Variants in STAB2 observed in about 807,000 individuals in gnomAD.
STAB2 encodes the protein stabilin-2.
A neutral mutation model predicts 338.1 loss-of-function variants in STAB2; 288 were observed. The observed-to-expected ratio is 0.85, with a 90% confidence interval of 0.77 to 0.94. The LOEUF (loss-of-function observed/expected upper bound fraction) is 0.94, where lower values mean the gene tolerates loss of function less well. Among genes scored for constraint, STAB2 ranks in the 40% least tolerant of loss-of-function variants. The pLI is 0.00. For missense variants in STAB2, 3,141 were observed against 3,210.1 expected (o/e 0.98, Z 0.52); for synonymous variants, 1,202 against 1,193.3 (o/e 1.01, Z -0.15).
At chr12:103,645,235 G>C (rs1332370060) in intron 9 of STAB2, among the ~76,000 whole-genome samples, 1 of 152,226 alleles carries the variant, frequency 6.6e-6, no homozygotes, top group Non-Finnish European at 1.5e-5. Context: ...ATTTCCTAAA[G>C]AGGTGATGTT....
intron 33 of STAB2, among the ~76,000 whole-genome samples, chr12:103,697,864 C>T (rs562972455): frequency 6.6e-6 from 1 of 152,216 alleles, no homozygotes; most frequent in African/African-American, 2.4e-5. Context: ...AAACCTAGAG[C>T]CTCTGAGAAG....
At position 103,668,745 on chromosome 12, in the gene STAB2, C is replaced by G. The variant is rs1311523938; in HGVS notation, c.2172+16C>G. 1.3e-6 allele frequency: 2 copies of G among 1,532,482 alleles called. No homozygotes were observed. Among genetic ancestry groups the G allele is most frequent in the Non-Finnish European group, 1.8e-6 (2 of 1,134,898 alleles). 94.9% of individuals were successfully genotyped at this position (1,532,482 alleles called of 1,614,324 possible). On this transcript the variant is annotated intron_variant, in intron 20 of 68. Transcript: ENST00000388887. ...CACTGTGAAGGTGAGGAGCGCGTGG[C>G]CGAGGCCCAGTCTAGGCCAGTAGGG... is the stretch of plus-strand genomic sequence containing the variant.
At chr12:103,616,824 C>A (rs923418225) in intron 3 of STAB2, among the ~76,000 whole-genome samples, 3 of 152,126 alleles carry the variant, frequency 2.0e-5, no homozygotes, top group Admixed American at 6.5e-5. Context: ...AATAGAAGAA[C>A]TATTTGATGG....
Position 103,622,037 on chromosome 12 carries a change from T to G in STAB2, c.418-5T>G. 6.2e-7 allele frequency: 1 copy of G among 1,614,214 alleles called. No homozygotes were observed. The highest frequency in any genetic ancestry group is 1.1e-5 in the South Asian group (1 of 91,084). On this transcript the variant is annotated splice_region_variant and splice_polypyrimidine_tract_variant and intron_variant, in intron 4 of 68. Transcript: ENST00000388887. ...CTAATGTCAACCACCTGGGGTGTTT[T>G]GCAGGAAGGGTTTGGTGGAACAGCC...
intron 10 of STAB2, among the ~76,000 whole-genome samples, 191 bp downstream of exon 10, chr12:103,649,014 A>G (rs922043780): frequency 5.3e-5 from 8 of 152,214 alleles, no homozygotes; most frequent in Non-Finnish European, 8.8e-5. Flanking sequence ...GATAGTGCCA[A>G]GAGATCTAGC....
chr12:103,616,868 T>C (rs539504322), intron 3 of STAB2, among the ~76,000 whole-genome samples: 54 of 152,356 alleles, frequency 3.5e-4, no homozygotes, highest in African/African-American at 1.3e-3. Flanking sequence ...CTTAGCACAC[T>C]TTGCTCAACA....
chr12:103,642,194 G>A (rs780936974), intron 9 of STAB2, among the ~76,000 whole-genome samples: 1 of 152,140 alleles, frequency 6.6e-6, no homozygotes, highest in African/African-American at 2.4e-5. Flanking sequence ...GCTTTTAAAC[G>A]CTAAGCTCCA....
At position 103,662,986 on chromosome 12, in the gene STAB2, A is replaced by G. The variant is rs773310336; in HGVS notation, c.2010A>G (p.Arg670=). The G allele has an allele frequency of 3.7e-6, 6 of 1,613,964 alleles. No homozygotes were observed. Among genetic ancestry groups the G allele is most frequent in the Non-Finnish European group, 5.1e-6 (6 of 1,179,990 alleles). Residue 670 remains arginine, a synonymous_variant, in exon 18 of 69, where the codon AGA becomes AGG. Coordinates refer to ENST00000388887, the MANE Select transcript of STAB2 (RefSeq NM_017564.10). ...ILPHRCDETK[R]EMKLGTCVSC... is the part of the protein sequence containing the mutation. ...CCCATCGATGTGATGAAACAAAGAG[A>G]GAGATGAAACTGGTAAGAAAACTAG...
At chr12:103,711,235 T>C in intron 39 of STAB2, 1 of 560,630 alleles carries the variant, frequency 1.8e-6, no homozygotes, top group Non-Finnish European at 3.1e-6. Flanking sequence ...GCATCCTCAC[T>C]GCCTAGCACA....
rs377125646 is a variant in STAB2, at chr12:103,652,656, T to C, written c.1358T>C (p.Met453Thr). ...MNIEYMNNTD[M>T]FYTLTGKSGE... ...ATCGAATATATGAATAACACAGACA[T>C]GTTCTACACCTTGACTGGAAAGTCG... Residue 453 changes from methionine to threonine, a missense_variant, in exon 12 of 69, where the codon ATG becomes ACG. Coordinates refer to ENST00000388887, the MANE Select transcript of STAB2 (RefSeq NM_017564.10). 1 of 1,605,804 alleles carries C rather than the reference T, an allele frequency of 6.2e-7. No individual in the cohort carries two copies. The highest frequency in any genetic ancestry group is 2.2e-5 in the East Asian group (1 of 44,594).
intron 5 of STAB2, among the ~76,000 whole-genome samples, chr12:103,630,744 T>C (rs904314258): frequency 6.6e-6 from 1 of 152,202 alleles, no homozygotes; most frequent in African/African-American, 2.4e-5. Context: ...GGAATAAAGA[T>C]GGGCTCTAGA....
In STAB2 at chr12:103,749,115, G is replaced by T. The variant is rs779748342; in HGVS notation, c.6397G>T (p.Gly2133Ter). Residue 2133 changes from glycine to a stop codon, truncating the protein, a stop_gained, in exon 59 of 69, where the codon GGA (glycine) becomes TGA (stop). Transcript: ENST00000388887. LOFTEE classifies it high-confidence loss of function. ...AGACCCCTGTGCAGACGGCCTTAACGGAGGGTGTCACGAGCACGCCACCTG... is the reference window on the plus strand; with the variant it reads ...AGACCCCTGTGCAGACGGCCTTAACTGAGGGTGTCACGAGCACGCCACCTG... ...EIDPCADGLN[G>*]GCHEHATCKM... 6.2e-7 allele frequency: 1 copy of T among 1,611,638 alleles called. No homozygotes were observed.
Position 103,652,638 on chromosome 12 carries a change from A to G in STAB2, c.1340A>G (p.Tyr447Cys). The part of the protein sequence containing the change: ...HIIAGQMNIE[Y>C]MNNTDMFYTL... ...ATTGCTGGTCAGATGAACATCGAAT[A>G]TATGAATAACACAGACATGTTCTAC... is the stretch of plus-strand genomic sequence containing the variant. Residue 447 changes from tyrosine to cysteine, a missense_variant, in exon 12 of 69, where the codon TAT becomes TGT. Physicochemically the swap from Tyr to Cys is radical, Grantham distance 194. Transcript: ENST00000388887. The G allele has an allele frequency of 4.3e-6, 7 of 1,610,632 alleles. No individual in the cohort carries two copies. The highest frequency in any genetic ancestry group is 5.9e-6 in the Non-Finnish European group (7 of 1,178,524).
Position 103,636,468 on chromosome 12 carries a change from A to AATAGGTACCC in STAB2, c.584-642_584-633dup, listed in dbSNP as rs928041885. ...AATACATTGCCCATTTTTTAAAAAA[A>AATAGGTACCC]ATAGGTACCCTAAGATCAGGGCTCA... On this transcript the variant is annotated intron_variant, in intron 6 of 68. Transcript: ENST00000388887. Among the ~76,000 whole-genome samples the AATAGGTACCC allele has an allele frequency of 1.1e-4, 16 of 151,948 alleles. No homozygotes were observed. The East Asian group carries it at 2.9e-3, about 28-fold the overall frequency.
At chr12:103,704,725 T>C in intron 36 of STAB2, 111 bp downstream of exon 36, 3 of 934,908 alleles carry the variant, frequency 3.2e-6, no homozygotes, top group Non-Finnish European at 4.8e-6. Flanking sequence ...TTCACTTAAT[T>C]TGAATTACAC....
chr12:103,765,662 C>CA (rs1884892996), intron 68 of STAB2, among the ~76,000 whole-genome samples: 2 of 152,278 alleles, frequency 1.3e-5, no homozygotes, highest in South Asian at 4.1e-4. Context: ...GTGATCCTCC[C>CA]ACCTCAGCCT....
intron 44 of STAB2, 126 bp downstream of exon 44, chr12:103,717,967 T>C (rs145443947): frequency 1.8e-5 from 16 of 895,872 alleles, no homozygotes; most frequent in Non-Finnish European, 2.7e-5. Context: ...GTGTTGACCA[T>C]GAGGCTTGTT....
At chr12:103,663,128 C>T in intron 18 of STAB2, 130 bp downstream of exon 18, 1 of 1,169,130 alleles carries the variant, frequency 8.6e-7, no homozygotes, top group Admixed American at 2.7e-5. Context: ...CAAAGGGCTT[C>T]CGTCTTCATG....
chr12:103,609,168 G>A (rs1197847314), intron 3 of STAB2, among the ~76,000 whole-genome samples: 8 of 152,118 alleles, frequency 5.3e-5, no homozygotes, highest in Non-Finnish European at 7.4e-5. Flanking sequence ...TTGGCAATGC[G>A]GGCTCTTTTT....
Sources: gnomAD v4.1 joint callset for allele counts (sites outside exome capture counted in the v4.1 genomes callset) on GRCh38, gnomAD v4.1.1 for gene constraint, MANE v1.5 for transcripts, NCBI Gene and HGNC (gene_info 2026-07-23, HGNC 2026-07-21) for gene names.